The following GALNT13 variants were observed in gnomAD, a reference collection of about 807,000 sequenced individuals.
GALNT13 encodes the protein polypeptide N-acetylgalactosaminyltransferase 13.
A neutral mutation model predicts 64.2 loss-of-function variants in GALNT13; 28 were observed. The observed-to-expected ratio is 0.44, with a 90% CI of 0.32 to 0.60. The LOEUF is 0.60. Among genes scored for constraint, GALNT13 ranks in the 20% least tolerant of loss-of-function variants. GALNT13 has a pLI of 0.05. For missense variants in GALNT13, 577 were observed against 669.8 expected, an observed-to-expected ratio of 0.86 and a Z score of 1.53; for synonymous variants, 214 against 224.6, an observed-to-expected ratio of 0.95 and a Z score of 0.42.
the GALNT13 span, among the ~76,000 whole-genome samples, chr2:153,808,125 T>A: frequency 1.3e-5 from 2 of 152,294 alleles, no homozygotes; most frequent in East Asian, 3.9e-4. Flanking sequence ...GTTTAAAATA[T>A]AAGTTACAGA....
At chr2:153,126,646 G>A in the GALNT13 span, among the ~76,000 whole-genome samples, 2 of 151,984 alleles carry the variant, frequency 1.3e-5, no homozygotes, top group Admixed American at 6.6e-5. Flanking sequence ...GCAAAAGTAC[G>A]GCCAATCTTG....
intron 3 of GALNT13, among the ~76,000 whole-genome samples, chr2:154,037,007 G>A (rs1204536041): frequency 1.3e-5 from 2 of 152,072 alleles, no homozygotes; most frequent in African/African-American, 4.8e-5. Context: ...TGATTACTGT[G>A]TATTCTGAAA....
chr2:154,089,219 T>C (rs1476665463), intron 3 of GALNT13, among the ~76,000 whole-genome samples: 1 of 152,104 alleles, frequency 6.6e-6, no homozygotes, highest in Non-Finnish European at 1.5e-5. Context: ...ATGGGCAAAA[T>C]TCCTGTGTCT....
At chr2:154,410,672 A>G (rs900792695) in intron 11 of GALNT13, among the ~76,000 whole-genome samples, 2 of 151,928 alleles carry the variant, frequency 1.3e-5, no homozygotes, top group Non-Finnish European at 2.9e-5. Context: ...GCTGCTTCTC[A>G]CAGTTCATTT....
intron 9 of GALNT13, among the ~76,000 whole-genome samples, chr2:154,381,630 C>A (rs908414296): frequency 3.3e-5 from 5 of 152,016 alleles, no homozygotes; most frequent in African/African-American, 9.7e-5. Flanking sequence ...GGACACTAAC[C>A]TGGAAGTCAG....
chr2:153,483,327 C>A, the GALNT13 span, among the ~76,000 whole-genome samples: 2 of 151,398 alleles, frequency 1.3e-5, no homozygotes, highest in Non-Finnish European at 2.9e-5. Context: ...GCAACCCAAA[C>A]GTCCATCAAC....
chr2:154,242,207 GT>G lies in GALNT13; in HGVS notation c.478+17del. The G allele has an allele frequency of 6.3e-7, 1 of 1,599,964 alleles. No individual in the cohort carries two copies. The highest frequency in any genetic ancestry group is 2.2e-5 in the East Asian group (1 of 44,458). On this transcript the variant is annotated intron_variant, in intron 5 of 12. Transcript: ENST00000392825. ...ATGCCAGTGAAAGAGGTACAAACTGGTTTTTTGTTTTTGTTTTTGTTTTTTT... is the reference window on the plus strand; with the variant it reads ...ATGCCAGTGAAAGAGGTACAAACTGGTTTTTGTTTTTGTTTTTGTTTTTTT...
At chr2:154,078,068 A>G (rs1206462549) in intron 3 of GALNT13, among the ~76,000 whole-genome samples, 1 of 151,502 alleles carries the variant, frequency 6.6e-6, no homozygotes, top group African/African-American at 2.4e-5. Flanking sequence ...TTTTCCAAAT[A>G]CTCTGCAGTT....
intron 3 of GALNT13, among the ~76,000 whole-genome samples, chr2:154,021,368 G>T (rs558687568): frequency 2.4e-4 from 36 of 152,084 alleles, no homozygotes; most frequent in Non-Finnish European, 4.0e-4. Context: ...GTGTCCTCTT[G>T]TATTTCCTTG....
the GALNT13 span, among the ~76,000 whole-genome samples, chr2:153,668,244 T>C: frequency 1.2e-4 from 18 of 152,080 alleles, no homozygotes; most frequent in Middle Eastern, 3.4e-3. Context: ...AACACAACAC[T>C]TGACCAAGGG....
chr2:153,326,591 T>C, the GALNT13 span, among the ~76,000 whole-genome samples: 1 of 152,238 alleles, frequency 6.6e-6, no homozygotes, highest in African/African-American at 2.4e-5. Flanking sequence ...CGATGGTCTT[T>C]ACATTTTGGT....
chr2:153,256,041 G>A, the GALNT13 span, among the ~76,000 whole-genome samples: 2 of 152,132 alleles, frequency 1.3e-5, no homozygotes, highest in East Asian at 1.9e-4. Context: ...AAGTTCTCCT[G>A]CATAATATCC....
the GALNT13 span, among the ~76,000 whole-genome samples, chr2:153,835,599 T>C: frequency 6.6e-6 from 1 of 152,058 alleles, no homozygotes; most frequent in Non-Finnish European, 1.5e-5. Context: ...TTCCTTTAAA[T>C]TGAAATTAAT....
At chr2:153,427,934 T>A in the GALNT13 span, among the ~76,000 whole-genome samples, 881 of 152,328 alleles carry the variant, frequency 5.8e-3, 7 homozygotes, top group African/African-American at 0.02. Context: ...GAACTAGTAC[T>A]TAATATTGTT....
chr2:153,351,991 C>T, the GALNT13 span, among the ~76,000 whole-genome samples: 1 of 152,116 alleles, frequency 6.6e-6, no homozygotes, highest in Non-Finnish European at 1.5e-5. Context: ...GTGATTACTG[C>T]ATCATATGAT....
At chr2:153,911,701 A>G (rs1688953057) in intron 2 of GALNT13, among the ~76,000 whole-genome samples, 1 of 151,938 alleles carries the variant, frequency 6.6e-6, no homozygotes, top group Non-Finnish European at 1.5e-5. Context: ...TCTTGGTCAG[A>G]ATTTATCTTT....
intron 11 of GALNT13, chr2:154,409,352 T>C (rs770359053): frequency 2.5e-6 from 1 of 396,800 alleles, no homozygotes; most frequent in Non-Finnish European, 4.6e-6. Flanking sequence ...TATCATGTAT[T>C]AGCAAATGAG....
chr2:153,741,869 G>A, the GALNT13 span, among the ~76,000 whole-genome samples: 1 of 151,932 alleles, frequency 6.6e-6, no homozygotes, highest in Non-Finnish European at 1.5e-5. Flanking sequence ...GATCATAGTT[G>A]TATAGATTTC....
At chr2:154,355,888 T>G (rs1043592449) in intron 9 of GALNT13, among the ~76,000 whole-genome samples, 24 of 152,034 alleles carry the variant, frequency 1.6e-4, no homozygotes, top group Admixed American at 5.2e-4. Context: ...GATTTAAATT[T>G]TCTTAGTGAC....
Sources: gnomAD v4.1 joint callset for allele counts (sites outside exome capture counted in the v4.1 genomes callset) on GRCh38, gnomAD v4.1.1 for gene constraint, MANE v1.5 for transcripts, NCBI Gene and HGNC (gene_info 2026-07-23, HGNC 2026-07-21) for gene names.